Variants in EYA2 observed in about 807,000 individuals in gnomAD.
EYA2 encodes EYA transcriptional coactivator and phosphatase 2.
EYA2 carries 31 observed loss-of-function variants against 69.2 expected under a neutral mutation model. The ratio of observed to expected loss-of-function variants is 0.45; its 90% CI spans 0.34 to 0.60. The LOEUF is 0.60. Ranked by LOEUF, EYA2 falls within the 20% of genes least tolerant of loss-of-function variation. The pLI, the probability that EYA2 is intolerant of heterozygous loss-of-function variation, is 0.02. For missense variants in EYA2, 622 were observed against 701.2 expected (o/e 0.89, Z 1.28); for synonymous variants, 257 against 279.4 (o/e 0.92, Z 0.80).
At chr20:47,123,328 A>C (rs2033100265) in intron 9 of EYA2, among the ~76,000 whole-genome samples, 2 of 152,234 alleles carry the variant, frequency 1.3e-5, no homozygotes, top group Non-Finnish European at 2.9e-5. Context: ...CCTTCTAGCT[A>C]TTTGAAACTA....
chr20:46,970,673 G>A (rs1472409171), intron 1 of EYA2, among the ~76,000 whole-genome samples: 1 of 152,202 alleles, frequency 6.6e-6, no homozygotes, highest in Non-Finnish European at 1.5e-5. Context: ...TATTTCAGTG[G>A]AATACTATGC....
In EYA2 at chr20:47,140,204, C is replaced by T. The variant is rs181271882; in HGVS notation, c.889-2855C>T. ...GCTTTGGATATGAGTAATGCAAAAC[C>T]TTTTCCCAGGTCACACACGATTCCC... is the stretch of plus-strand genomic sequence containing the variant. On this transcript the variant is annotated intron_variant, in intron 9 of 15. Transcript: ENST00000327619. Among the ~76,000 whole-genome samples the T allele has an allele frequency of 6.6e-5, 10 of 152,224 alleles. 1 individual carries two copies. Among genetic ancestry groups the T allele is most frequent in the Admixed American group, 2.0e-4 (3 of 15,300 alleles).
intron 1 of EYA2, among the ~76,000 whole-genome samples, chr20:46,971,245 G>A (rs13037317): frequency 0.35 from 52,940 of 152,024 alleles, 10,887 homozygotes; most frequent in Non-Finnish European, 0.46. Flanking sequence ...TAACCTAGGA[G>A]TTTATTTCTC....
At chr20:46,979,331 G>A (rs1457767724) in intron 1 of EYA2, among the ~76,000 whole-genome samples, 1 of 152,322 alleles carries the variant, frequency 6.6e-6, no homozygotes, top group Non-Finnish European at 1.5e-5. Context: ...GGTAACAAAT[G>A]GCACAAGCCG....
At chr20:47,167,037 C>A (rs2034212581) in intron 10 of EYA2, 1 of 154,970 alleles carries the variant, frequency 6.5e-6, no homozygotes. Flanking sequence ...GAGGGCATTT[C>A]ATGATGCAGG....
intron 11 of EYA2, among the ~76,000 whole-genome samples, chr20:47,171,995 A>C (rs935310142): frequency 4.6e-5 from 7 of 152,028 alleles, no homozygotes; most frequent in Non-Finnish European, 8.8e-5. Context: ...TGGGAGGGGG[A>C]GGCTGAGGCA....
intron 1 of EYA2, among the ~76,000 whole-genome samples, chr20:46,912,611 C>CT (rs1984697200): frequency 6.6e-6 from 1 of 151,388 alleles, no homozygotes. Context: ...CTTGGCATTG[C>CT]TATGGGGAAA....
At chr20:46,997,635 G>A (rs2146339661) in intron 2 of EYA2, 1 of 152,474 alleles carries the variant, frequency 6.6e-6, no homozygotes, top group Admixed American at 6.5e-5. Context: ...TGGGCGCCAG[G>A]TCATTAGAGC....
intron 11 of EYA2, 104 bp from the exon 12 acceptor site, chr20:47,172,603 C>A: frequency 8.1e-7 from 1 of 1,235,450 alleles, no homozygotes; most frequent in Non-Finnish European, 1.1e-6. Context: ...GGCTCATGGA[C>A]ACCCAAAAGC....
chr20:47,186,348 CTTTTTTTTTTTTT>C (rs765874138), intron 15 of EYA2, among the ~76,000 whole-genome samples: 2 of 72,316 alleles, frequency 2.8e-5, no homozygotes, highest in African/African-American at 4.7e-5. Context: ...AGCACTTATT[CTTTTTTTTTTTTT>C]TTTTTTTTTT....
At chr20:47,091,477 G>T (rs972351500) in intron 8 of EYA2, among the ~76,000 whole-genome samples, 1 of 150,934 alleles carries the variant, frequency 6.6e-6, no homozygotes. Flanking sequence ...AGTGGCTCAC[G>T]CCTATAACCT....
rs1568833759 is a variant in EYA2, at chr20:47,183,405, C to T, written c.1536+14C>T. On this transcript the variant is annotated intron_variant, in intron 15 of 15. Coordinates refer to ENST00000327619, the MANE Select transcript of EYA2 (RefSeq NM_005244.5). ...GGAGCGAAAAAGGTACTTCTTCCAC[C>T]TCTCAGACTGCGTTTTCCTGCTCTT... The T allele has an allele frequency of 1.9e-6, 3 of 1,611,766 alleles. No individual in the cohort carries two copies. The highest frequency in any genetic ancestry group is 2.2e-5 in the South Asian group (2 of 90,930).
At chr20:46,972,689 G>A (rs1980213761) in intron 1 of EYA2, among the ~76,000 whole-genome samples, 1 of 152,166 alleles carries the variant, frequency 6.6e-6, no homozygotes, top group Non-Finnish European at 1.5e-5. Context: ...AAGCAGAGAA[G>A]TCAAGGAAGA....
chr20:47,116,668 C>CCTG (rs1470902706), intron 9 of EYA2, among the ~76,000 whole-genome samples: 2 of 152,200 alleles, frequency 1.3e-5, no homozygotes, highest in African/African-American at 4.8e-5. Context: ...CAGGCATTGA[C>CCTG]CTGCTCATTG....
Position 47,012,153 on chromosome 20 carries a change from G to A in EYA2, c.299-4028G>A, listed in dbSNP as rs1232360891. ...GTGAATGAATGCTTATTGGCTGTCT[G>A]TTGTTGACACCCTCTCTGAAATCCA... On this transcript the variant is annotated intron_variant, in intron 4 of 15. Transcript: ENST00000327619. 3.9e-5 allele frequency among the ~76,000 whole-genome samples: 6 copies of A among 152,330 alleles called. No individual in the cohort carries two copies. The East Asian group carries it at 9.7e-4, about 25-fold the overall frequency.
chr20:47,183,807 G>A (rs540736562), intron 15 of EYA2, among the ~76,000 whole-genome samples: 7 of 152,296 alleles, frequency 4.6e-5, no homozygotes, highest in East Asian at 1.9e-4. Flanking sequence ...TCTCGGGCCC[G>A]TGAGGAGAGG....
At chr20:47,171,257 C>CA (rs1353447592) in intron 11 of EYA2, among the ~76,000 whole-genome samples, 1 of 152,226 alleles carries the variant, frequency 6.6e-6, no homozygotes, top group Non-Finnish European at 1.5e-5. Context: ...TTTGGTACCT[C>CA]ACTTTGAGAA....
chr20:47,095,011 C>T (rs1282680999), intron 8 of EYA2, among the ~76,000 whole-genome samples: 1 of 131,148 alleles, frequency 7.6e-6, no homozygotes, highest in Non-Finnish European at 1.8e-5. Flanking sequence ...CAGGCCCTGT[C>T]TCAAAAAAAA....
At chr20:46,967,431 A>G (rs1979859596) in intron 1 of EYA2, among the ~76,000 whole-genome samples, 2 of 152,252 alleles carry the variant, frequency 1.3e-5, no homozygotes, top group African/African-American at 2.4e-5. Context: ...AGTAAATGTC[A>G]TGATTGACAA....
Sources: gnomAD v4.1 joint callset for allele counts (sites outside exome capture counted in the v4.1 genomes callset) on GRCh38, gnomAD v4.1.1 for gene constraint, MANE v1.5 for transcripts, NCBI Gene and HGNC (gene_info 2026-07-23, HGNC 2026-07-21) for gene names.